Variants in MCPH1 observed in about 807,000 individuals in gnomAD.
MCPH1 encodes the protein microcephalin.
In MCPH1, 104 loss-of-function variants were observed where a neutral mutation model predicts 84.5. The observed-to-expected ratio is 1.23, with a 90% CI of 1.05 to 1.45. The LOEUF (loss-of-function observed/expected upper bound fraction) is 1.45. Ranked by LOEUF, MCPH1 falls within the 40% of genes most tolerant of loss-of-function variation. MCPH1 has a pLI of 0.00. For missense variants in MCPH1, 1,498 were observed against 1,005.7 expected (o/e 1.49, Z -6.62); for synonymous variants, 514 against 366.8 (o/e 1.40, Z -4.58).
intron 12 of MCPH1, among the ~76,000 whole-genome samples, chr8:6,612,042 G>A (rs1404216698): frequency 1.3e-5 from 2 of 152,124 alleles, no homozygotes; most frequent in Non-Finnish European, 2.9e-5. Context: ...GATTGGGCAC[G>A]TTCCTCTGGC....
chr8:6,448,880 T>A (rs1804733512), intron 8 of MCPH1, among the ~76,000 whole-genome samples: 1 of 152,226 alleles, frequency 6.6e-6, no homozygotes, highest in African/African-American at 2.4e-5. Context: ...ATGTAGGTAC[T>A]CATGAGATGA....
chr8:6,426,918 G>A (rs1801141723), intron 3 of MCPH1, among the ~76,000 whole-genome samples: 2 of 152,096 alleles, frequency 1.3e-5, no homozygotes, highest in Admixed American at 6.5e-5. Context: ...TAAATATACA[G>A]TCAGGTATTG....
chr8:6,407,335 T>C (rs762426852), intron 1 of MCPH1, among the ~76,000 whole-genome samples: 2 of 152,078 alleles, frequency 1.3e-5, no homozygotes, highest in South Asian at 4.1e-4. Context: ...TTTTAACCGC[T>C]CTATCAACTC....
chr8:6,548,657 A>G (rs920112494), intron 12 of MCPH1, among the ~76,000 whole-genome samples: 4 of 152,196 alleles, frequency 2.6e-5, no homozygotes, highest in Non-Finnish European at 5.9e-5. Context: ...GCTTAATGCA[A>G]TTTAGAAAGA....
chr8:6,546,670 G>GA (rs1488919901), intron 12 of MCPH1, among the ~76,000 whole-genome samples: 1 of 152,102 alleles, frequency 6.6e-6, no homozygotes, highest in East Asian at 1.9e-4. Context: ...GATAAATAGA[G>GA]AAAAAATAGT....
intron 5 of MCPH1, among the ~76,000 whole-genome samples, chr8:6,436,450 G>A (rs969235001): frequency 6.6e-6 from 1 of 152,004 alleles, no homozygotes; most frequent in African/African-American, 2.4e-5. Flanking sequence ...TGGCTAATAA[G>A]CATTATTGAA....
At chr8:6,436,370 A>T (rs577132617) in intron 5 of MCPH1, among the ~76,000 whole-genome samples, 174 of 152,380 alleles carry the variant, frequency 1.1e-3, no homozygotes, top group African/African-American at 4.0e-3. Context: ...AATCGACCAC[A>T]GTCTTAACCA....
chr8:6,568,111 A>G (rs770152243), intron 12 of MCPH1, among the ~76,000 whole-genome samples: 2 of 152,198 alleles, frequency 1.3e-5, no homozygotes, highest in Non-Finnish European at 2.9e-5. Context: ...ACTCCCAGAA[A>G]GAGGCCAGTG....
chr8:6,420,366 C>T (rs981291271), intron 3 of MCPH1, among the ~76,000 whole-genome samples: 1 of 152,110 alleles, frequency 6.6e-6, no homozygotes, highest in Non-Finnish European at 1.5e-5. Flanking sequence ...GAGTCTTAAG[C>T]GTATTCTCCC....
In MCPH1 at chr8:6,562,577, T is replaced by G. The variant is rs4841276; in HGVS notation, c.2215-58877T>G. 12 of 843,206 alleles carry G rather than the reference T, an allele frequency of 1.4e-5. No homozygotes were observed. In the South Asian group the frequency reaches 2.2e-4, roughly 15 times the overall value. The allele number at this position is 843,206 out of a possible 1,614,324, so 52.2% of individuals were successfully genotyped here. ...CTTTTTTTTTTTTTTTTTTTGGTTG[T>G]TAAAACCTGAGCTGCTGCCAAGCTG... On this transcript the variant is annotated intron_variant, in intron 12 of 13. Transcript: ENST00000344683.
intron 9 of MCPH1, among the ~76,000 whole-genome samples, chr8:6,456,026 G>A (rs187830592): frequency 6.6e-6 from 1 of 152,194 alleles, no homozygotes; most frequent in Non-Finnish European, 1.5e-5. Flanking sequence ...ACCTGCGGAA[G>A]AGAAACCTGA....
chr8:6,595,086 A>G (rs1563166726), intron 12 of MCPH1, among the ~76,000 whole-genome samples: 3 of 152,202 alleles, frequency 2.0e-5, no homozygotes, highest in South Asian at 4.1e-4. Flanking sequence ...ACTTCGCACA[A>G]ATCACTTTGT....
At chr8:6,595,309 A>G (rs1046553540) in intron 12 of MCPH1, among the ~76,000 whole-genome samples, 3 of 152,224 alleles carry the variant, frequency 2.0e-5, no homozygotes, top group African/African-American at 7.2e-5. Flanking sequence ...TAGGGTATGT[A>G]CTGTAGGAGC....
intron 12 of MCPH1, among the ~76,000 whole-genome samples, chr8:6,510,942 A>G (rs1814949406): frequency 1.3e-5 from 2 of 152,178 alleles, no homozygotes; most frequent in African/African-American, 4.8e-5. Flanking sequence ...CCTGCTGCAA[A>G]ATGCTAATGT....
chr8:6,515,090 T>A (rs1157032228), intron 12 of MCPH1, among the ~76,000 whole-genome samples: 1 of 152,134 alleles, frequency 6.6e-6, no homozygotes, highest in East Asian at 1.9e-4. Context: ...AGATTGCTGT[T>A]TTTTTAGAGA....
chr8:6,625,173 C>A (rs903500053), intron 13 of MCPH1: 1 of 985,354 alleles, frequency 1.0e-6, no homozygotes, highest in Non-Finnish European at 1.2e-6. Flanking sequence ...CCGTGCCTGG[C>A]CGAAATCACC....
Position 6,409,287 on chromosome 8 carries a change from G to T in MCPH1, c.31G>T (p.Ala11Ser), listed in dbSNP as rs1247255481. 1 of 1,612,328 alleles carries T rather than the reference G, an allele frequency of 6.2e-7. No homozygotes were observed. Among genetic ancestry groups the T allele is most frequent in the African/African-American group, 1.3e-5 (1 of 74,868 alleles). MAAPILKDVV[A>S]YVEVWSSNGT... ...TCATATCTTGTTTTCAGATGTAGTG[G>T]CCTATGTTGAAGTGTGGTCATCCAA... The change falls in exon 2 of 14, where the codon GCC becomes TCC. Residue 11 changes from alanine to serine, a missense_variant. Ala to Ser is a moderately conservative substitution (Grantham distance 99, BLOSUM62 1). Transcript: ENST00000344683.
intron 12 of MCPH1, among the ~76,000 whole-genome samples, chr8:6,572,351 A>G (rs573056637): frequency 6.6e-6 from 1 of 152,354 alleles, no homozygotes; most frequent in South Asian, 2.1e-4. Context: ...AAATTAAAAA[A>G]TGGTACCTAT....
chr8:6,612,736 T>G (rs1213350461), intron 12 of MCPH1, among the ~76,000 whole-genome samples: 1 of 152,230 alleles, frequency 6.6e-6, no homozygotes, highest in Non-Finnish European at 1.5e-5. Flanking sequence ...CTATCTGCAC[T>G]TTCCATGTCC....
Sources: gnomAD v4.1 joint callset for allele counts (sites outside exome capture counted in the v4.1 genomes callset) on GRCh38, gnomAD v4.1.1 for gene constraint, MANE v1.5 for transcripts, NCBI Gene and HGNC (gene_info 2026-07-23, HGNC 2026-07-21) for gene names.